The following FLT3 variants were observed in gnomAD, a reference collection of about 807,000 sequenced individuals.
FLT3 encodes the protein fms related receptor tyrosine kinase 3, also known as receptor-type tyrosine-protein kinase FLT3.
FLT3 carries 46 observed loss-of-function variants against 126.6 expected under a neutral mutation model. The observed-to-expected ratio is 0.36, with a 90% CI of 0.29 to 0.46. FLT3 has a LOEUF of 0.46. Among genes scored for constraint, FLT3 ranks in the 20% least tolerant of loss-of-function variants. The probability of loss-of-function intolerance (pLI) is 1.00; values close to 1 mark genes in which losing one functional copy is unlikely to be tolerated. For synonymous variants in FLT3, 404 were observed against 434.4 expected, an observed-to-expected ratio of 0.93 and a Z score of 0.87; for missense variants, 1,069 against 1,190.3, an observed-to-expected ratio of 0.90 and a Z score of 1.50.
chr13:28,003,975 A>T lies in FLT3; in HGVS notation c.*77T>A. The T allele has an allele frequency of 2.0e-6, 3 of 1,533,194 alleles. No homozygotes were observed. The highest frequency in any genetic ancestry group is 1.1e-5 in the South Asian group (1 of 87,868). 95.0% of individuals were successfully genotyped at this position (1,533,194 alleles called of 1,614,324 possible). A position where few individuals can be genotyped will look rare whatever the true frequency, so the allele number is the denominator to read the frequency against. ...ATAATAGATTTTCTTTTAGTGATGA[A>T]ATTAATCTTGTTTTGGTAATCTACA... On this transcript the variant is annotated 3_prime_UTR_variant, in exon 24 of 24. Coordinates refer to ENST00000241453, the MANE Select transcript of FLT3 (RefSeq NM_004119.3).
At chr13:28,045,046 G>A (rs1874731915) in intron 9 of FLT3, among the ~76,000 whole-genome samples, 1 of 152,122 alleles carries the variant, frequency 6.6e-6, no homozygotes, top group Non-Finnish European at 1.5e-5. Flanking sequence ...GGTACAAAAC[G>A]CTATAGGAGT....
chr13:28,038,072 C>T (rs952701113), intron 9 of FLT3, among the ~76,000 whole-genome samples: 8 of 152,162 alleles, frequency 5.3e-5, no homozygotes, highest in Non-Finnish European at 1.2e-4. Context: ...CAAGGCAGGA[C>T]CTATGACCAA....
At chr13:28,032,393 G>A (rs575861943) in intron 15 of FLT3, among the ~76,000 whole-genome samples, 1 of 152,310 alleles carries the variant, frequency 6.6e-6, no homozygotes, top group South Asian at 2.1e-4. Flanking sequence ...CCACAGGGAT[G>A]CCCCATAAAA....
At chr13:28,097,154 T>C (rs779790286) in intron 1 of FLT3, among the ~76,000 whole-genome samples, 5 of 151,442 alleles carry the variant, frequency 3.3e-5, no homozygotes, top group Admixed American at 2.0e-4. Context: ...AGGTTGAAGC[T>C]GCAGTGAGCT....
At chr13:28,005,581 T>C in intron 23 of FLT3, among the ~76,000 whole-genome samples, 1 of 152,152 alleles carries the variant, frequency 6.6e-6, no homozygotes. Context: ...GCATCATAAT[T>C]AACCTTTTGA....
At chr13:28,097,314 T>G (rs1879521783) in intron 1 of FLT3, among the ~76,000 whole-genome samples, 1 of 152,170 alleles carries the variant, frequency 6.6e-6, no homozygotes, top group South Asian at 2.1e-4. Context: ...AAACAGATTT[T>G]TTCTTCCTAA....
chr13:28,095,162 T>C (rs1185690014), intron 1 of FLT3, among the ~76,000 whole-genome samples: 1 of 152,072 alleles, frequency 6.6e-6, no homozygotes, highest in Non-Finnish European at 1.5e-5. Context: ...ACCAAAAAGC[T>C]CTACTCAGAC....
intron 15 of FLT3, among the ~76,000 whole-genome samples, chr13:28,030,753 T>TA (rs1873256601): frequency 6.6e-6 from 1 of 151,544 alleles, no homozygotes; most frequent in Non-Finnish European, 1.5e-5. Flanking sequence ...TAAAATAAAA[T>TA]AAAAATTAGC....
At chr13:28,084,483 T>C (rs1398738988) in intron 1 of FLT3, among the ~76,000 whole-genome samples, 1 of 152,130 alleles carries the variant, frequency 6.6e-6, no homozygotes, top group African/African-American at 2.4e-5. Context: ...GCCTCCTGTG[T>C]AGCTGGGAGT....
At chr13:28,099,044 GA>G (rs2137841223) in intron 1 of FLT3, among the ~76,000 whole-genome samples, 1 of 152,258 alleles carries the variant, frequency 6.6e-6, no homozygotes, top group South Asian at 2.1e-4. Flanking sequence ...GAAAACTAAT[GA>G]AATTGTACTC....
At chr13:28,020,778 TG>T (rs765338094) in intron 19 of FLT3, among the ~76,000 whole-genome samples, 17 of 152,160 alleles carry the variant, frequency 1.1e-4, no homozygotes, top group Middle Eastern at 6.8e-3. Flanking sequence ...GGCATGTAGC[TG>T]GGGCTCAACA....
chr13:28,008,672 T>C (rs1349107711), intron 23 of FLT3, among the ~76,000 whole-genome samples: 1 of 151,950 alleles, frequency 6.6e-6, no homozygotes, highest in African/African-American at 2.4e-5. Flanking sequence ...AGAGACGGGG[T>C]TTCACCAGGT....
At chr13:28,070,020 TGGGAGGATTGCTTGAGCCC>T (rs1162881701) in intron 2 of FLT3, among the ~76,000 whole-genome samples, 3 of 152,064 alleles carry the variant, frequency 2.0e-5, no homozygotes, top group African/African-American at 7.2e-5. Flanking sequence ...GAGGTTGAAG[TGGGAGGATTGCTTGAGCCC>T]GGGAGGGCGA....
chr13:28,044,154 A>T (rs893275605), intron 9 of FLT3, among the ~76,000 whole-genome samples: 2 of 150,698 alleles, frequency 1.3e-5, no homozygotes, highest in African/African-American at 4.9e-5. Flanking sequence ...TCAAAAAAAA[A>T]AGCAAAAAGA....
chr13:28,075,161 A>G (rs1877841603), intron 1 of FLT3, among the ~76,000 whole-genome samples: 1 of 152,236 alleles, frequency 6.6e-6, no homozygotes, highest in Non-Finnish European at 1.5e-5. Flanking sequence ...ATATATGCAT[A>G]CATTGTGGAA....
chr13:28,039,710 A>C lies in FLT3; in HGVS notation c.1206-2422T>G, dbSNP rs538225851. Among the ~76,000 whole-genome samples, 20 of 152,086 alleles carry C rather than the reference A, an allele frequency of 1.3e-4. No individual in the cohort carries two copies. In the South Asian group the frequency reaches 3.5e-3, roughly 27 times the overall value. On this transcript the variant is annotated intron_variant, in intron 9 of 23. Transcript: ENST00000241453. ...ATTACAGGCACACGCCACCACAGCC[A>C]GCTAATTTTTATATTTTTCATAGAG...
chr13:28,098,314 C>CAAAAAAAAAAAAAAAAAAAAAAA (rs55675449), intron 1 of FLT3, among the ~76,000 whole-genome samples: 4 of 85,298 alleles, frequency 4.7e-5, no homozygotes, highest in Admixed American at 1.4e-4. Flanking sequence ...GACTCCGTCT[C>CAAAAAAAAAAAAAAAAAAAAAAA]AAAAAAAAAA....
At chr13:28,019,387 A>ACT (rs1391733380) in intron 19 of FLT3, among the ~76,000 whole-genome samples, 41 of 152,336 alleles carry the variant, frequency 2.7e-4, no homozygotes, top group African/African-American at 7.0e-4. Flanking sequence ...TGGAATTAGA[A>ACT]GGAGTCCCTG....
chr13:28,082,549 C>T (rs1878399303), intron 1 of FLT3, among the ~76,000 whole-genome samples: 1 of 151,292 alleles, frequency 6.6e-6, no homozygotes, highest in African/African-American at 2.4e-5. Context: ...AGGATGGAGT[C>T]CAGTGGTGCG....
Sources: allele counts gnomAD v4.1 joint callset (sites outside exome capture counted in the v4.1 genomes callset), GRCh38; gene constraint gnomAD v4.1.1; transcripts MANE v1.5; gene names NCBI Gene and HGNC (gene_info 2026-07-23, HGNC 2026-07-21).